RSRP1: variants seen among roughly 807,000 people sequenced by gnomAD.
RSRP1 encodes the protein arginine and serine rich protein 1, also known as arginine/serine-rich protein 1.
RSRP1 carries 37 observed loss-of-function variants against 33.0 expected under a neutral mutation model. The observed-to-expected ratio is 1.12, with a 90% CI of 0.86 to 1.48. The LOEUF (loss-of-function observed/expected upper bound fraction) is 1.48. Ranked by LOEUF, RSRP1 falls within the 40% of genes most tolerant of loss-of-function variation. RSRP1 has a pLI of 0.00. For missense variants in RSRP1, 402 were observed against 385.3 expected (o/e 1.04, Z -0.36); for synonymous variants, 167 against 158.7 (o/e 1.05, Z -0.40).
At chr1:25,283,368 T>C (rs1641668942) in intron 1 of RSRP1, among the ~76,000 whole-genome samples, 1 of 130,742 alleles carries the variant, frequency 7.6e-6, no homozygotes, top group African/African-American at 2.6e-5. Context: ...CCTTCTCTAT[T>C]AAAAATACAA....
chr1:25,280,351 G>C (rs1641371026), intron 1 of RSRP1, among the ~76,000 whole-genome samples: 1 of 124,020 alleles, frequency 8.1e-6, no homozygotes, highest in Admixed American at 7.8e-5. Flanking sequence ...TGTCATCCAG[G>C]CTGGAGTACA....
In RSRP1 at chr1:25,303,368, C is replaced by T. The variant is rs766015647; in HGVS notation, c.-67+34610G>A. On this transcript the variant is annotated intron_variant, in intron 1 of 1. Coordinates refer to the RSRP1 transcript ENST00000561867. Reference sequence around the variant, plus strand: ...TTGGCAGGAGGCGTGGCTGTGGGTACCTCGTGTCACCTGATCCCTTCTCCG... The same window carrying T: ...TTGGCAGGAGGCGTGGCTGTGGGTATCTCGTGTCACCTGATCCCTTCTCCG... The T allele has an allele frequency of 6.9e-4, 954 of 1,375,210 alleles. 290 individuals are homozygous for T. The highest frequency in any genetic ancestry group is 9.6e-4 in the Non-Finnish European group (936 of 975,640). The allele number at this position is 1,375,210 out of a possible 1,614,324, so 85.2% of individuals were successfully genotyped here. A position where few individuals can be genotyped will look rare whatever the true frequency, so the allele number is the denominator to read the frequency against.
At chr1:25,252,283 C>A (rs377034250), upstream of RSRP1, among the ~76,000 whole-genome samples, 146 of 151,834 alleles carry the variant, frequency 9.6e-4, no homozygotes, top group African/African-American at 3.4e-3. Flanking sequence ...CAGGTACAAG[C>A]AAACACACAG....
intron 1 of RSRP1, among the ~76,000 whole-genome samples, chr1:25,262,091 T>C (rs589993): frequency 2.3e-4 from 35 of 152,286 alleles, no homozygotes; most frequent in Admixed American, 9.2e-4. Context: ...AGCACTCAAG[T>C]GTATTCTAGA....
chr1:25,261,992 G>A (rs2124563610), intron 1 of RSRP1, among the ~76,000 whole-genome samples: 1 of 152,220 alleles, frequency 6.6e-6, no homozygotes, highest in South Asian at 2.1e-4. Context: ...GATTACAGGT[G>A]TGAGCCACTG....
intron 1 of RSRP1, among the ~76,000 whole-genome samples, chr1:25,315,221 T>A (rs1644377900): frequency 7.7e-6 from 1 of 130,412 alleles, no homozygotes; most frequent in Admixed American, 7.5e-5. Flanking sequence ...AATCACTTAT[T>A]ATTAGATCAA....
At chr1:25,330,953 C>CTTTTT (rs71014353) in intron 1 of RSRP1, among the ~76,000 whole-genome samples, 1 of 34,730 alleles carries the variant, frequency 2.9e-5, no homozygotes, top group African/African-American at 9.8e-5. Context: ...TGTCATCTTC[C>CTTTTT]TTTTTTTTTT....
chr1:25,248,398 G>C (rs1420288168), upstream of RSRP1: 2 of 147,700 alleles, frequency 1.4e-5, no homozygotes, highest in African/African-American at 5.0e-5. Flanking sequence ...GCCCAGGCTG[G>C]AGTGTGGTGG....
rs1467774973 is a variant in RSRP1 at position 25,269,999 on chromosome 1, T to G, written c.-66-22970A>C. ...TTCATCTTGCTGACATCTGGTGCCC[T>G]CGGGCAGGTAGGTGCAGTTGGCTGC... On this transcript the variant is annotated intron_variant, in intron 1 of 1. Coordinates refer to the RSRP1 transcript ENST00000561867. Among the ~76,000 whole-genome samples the G allele has an allele frequency of 2.3e-5, 3 of 132,150 alleles. 1 individual carries two copies. The highest frequency in any genetic ancestry group is 5.4e-5 in the Non-Finnish European group (3 of 55,758). The allele number at this position is 132,150 out of a possible 152,430, so 86.7% of individuals were successfully genotyped here.
rs1367760450 is a variant in RSRP1, at chr1:25,315,001, G to A, written c.-67+22977C>T. On this transcript the variant is annotated intron_variant, in intron 1 of 1. Coordinates refer to the RSRP1 transcript ENST00000561867. ...TGGCGGATCACAAGGTCAAGAGATC[G>A]AGATCATCCTGGCCAACATGGTGAA... 3.1e-5 allele frequency among the ~76,000 whole-genome samples: 4 copies of A among 129,490 alleles called. 2 individuals carry two copies. Among genetic ancestry groups the A allele is most frequent in the Non-Finnish European group, 7.3e-5 (4 of 54,946 alleles). The allele number at this position is 129,490 out of a possible 152,430, so 85.0% of individuals were successfully genotyped here.
chr1:25,330,080 G>A (rs371911452), intron 1 of RSRP1: 1 of 132,706 alleles, frequency 7.5e-6, no homozygotes, highest in South Asian at 2.3e-4. Context: ...ACAAACAGAC[G>A]GACAGCGTGT....
chr1:25,252,684 C>G (rs1639827871), intron 1 of RSRP1, among the ~76,000 whole-genome samples: 1 of 152,336 alleles, frequency 6.6e-6, no homozygotes, highest in African/African-American at 2.4e-5. Context: ...CAGGCGCCAG[C>G]AACTACGCCC....
At chr1:25,256,585 G>A (rs901794519) in intron 1 of RSRP1, among the ~76,000 whole-genome samples, 1 of 152,134 alleles carries the variant, frequency 6.6e-6, no homozygotes, top group Admixed American at 6.5e-5. Context: ...GCTCCCACCA[G>A]TAGCTGGTAC....
chr1:25,285,423 C>T (rs1284399636), intron 1 of RSRP1, among the ~76,000 whole-genome samples: 2 of 134,842 alleles, frequency 1.5e-5, no homozygotes, highest in African/African-American at 5.1e-5. Context: ...CATGAGCCAC[C>T]GCGTCCAGCC....
Position 25,246,465 on chromosome 1 carries a change from G to C in RSRP1, c.499C>G (p.Pro167Ala). The C allele has an allele frequency of 1.2e-6, 2 of 1,613,608 alleles. No individual in the cohort carries two copies. Among genetic ancestry groups the C allele is most frequent in the East Asian group, 2.2e-5 (1 of 44,862 alleles). ...CCACCTTTTTCACTTAAGCGAAAGG[G>C]GGTTCTGCTCCGCGACCTCGTCCTG... ...RSRTRSRSRT[P>A]FRLSEKDRME... Residue 167 changes from proline (P) to alanine (A), a missense_variant, in exon 2 of 5, where the codon CCC becomes GCC. By Grantham distance (27) the Pro-to-Ala change is conservative. Coordinates refer to ENST00000243189, the MANE Select transcript of RSRP1 (RefSeq NM_020317.5).
At chr1:25,283,692 C>T (rs1641699825) in intron 1 of RSRP1, among the ~76,000 whole-genome samples, 1 of 133,740 alleles carries the variant, frequency 7.5e-6, no homozygotes. Flanking sequence ...ATTAAAACAG[C>T]GTAGGCACAT....
At chr1:25,272,303 A>G (rs1284558588) in intron 1 of RSRP1, 1 of 495,436 alleles carries the variant, frequency 2.0e-6, no homozygotes, top group African/African-American at 2.0e-5. Flanking sequence ...GGAACCTGTA[A>G]CAGGAACACA....
chr1:25,296,283 A>G (rs1642952300), intron 1 of RSRP1, among the ~76,000 whole-genome samples: 1 of 126,234 alleles, frequency 7.9e-6, no homozygotes, highest in African/African-American at 2.8e-5. Context: ...TGCTCCATCA[A>G]TCACCCAGGC....
rs267598517 is a variant in RSRP1, at chr1:25,243,596, G to A, written c.710C>T (p.Pro237Leu). ...TCTTTGCTGGGTAGGTTTTTCATTG[G>A]GATTTCGAGTTCCATCTTCTGTTAC... ...EKVTEDGTRN[P>L]NEKPTQQRSI... The change falls in exon 4 of 5, where the codon CCC becomes CTC. Residue 237 changes from proline (P) to leucine (L), a missense_variant. Pro to Leu is a moderately conservative substitution (Grantham distance 98). Coordinates refer to ENST00000243189, the MANE Select transcript of RSRP1 (RefSeq NM_020317.5). 1.9e-6 allele frequency: 3 copies of A among 1,613,652 alleles called. No individual in the cohort carries two copies. In the African/African-American group the frequency reaches 4.0e-5, roughly 22 times the overall value.
Sources: allele counts gnomAD v4.1 joint callset (sites outside exome capture counted in the v4.1 genomes callset), GRCh38; gene constraint gnomAD v4.1.1; transcripts MANE v1.5; gene names NCBI Gene and HGNC (gene_info 2026-07-23, HGNC 2026-07-21).